HELQ: variants seen among roughly 807,000 people sequenced by gnomAD.
The protein encoded by HELQ is helicase, POLQ like, also known as helicase POLQ-like.
Under a neutral mutation model 111.6 loss-of-function variants are expected in HELQ, and 77 were observed. That is an observed-to-expected ratio of 0.69 (90% CI 0.57 to 0.83). The LOEUF (loss-of-function observed/expected upper bound fraction) is 0.83, where lower values mean the gene tolerates loss of function less well. HELQ is among the 40% of genes least tolerant of loss of function. HELQ has a pLI of 0.00. For synonymous variants in HELQ, 438 were observed against 454.7 expected, an observed-to-expected ratio of 0.96 and a Z score of 0.47; for missense variants, 1,200 against 1,288.5, an observed-to-expected ratio of 0.93 and a Z score of 1.05.
chr4:83,424,301 T>C (rs1386606058), intron 14 of HELQ, among the ~76,000 whole-genome samples: 1 of 152,220 alleles, frequency 6.6e-6, no homozygotes, highest in East Asian at 1.9e-4. Flanking sequence ...CAGAGTTTGA[T>C]ATAAAAGGTT....
intron 10 of HELQ, 147 bp from the exon 11 acceptor site, chr4:83,431,915 T>A (rs945245362): frequency 2.8e-5 from 14 of 506,016 alleles, no homozygotes; most frequent in Non-Finnish European, 9.9e-6. Flanking sequence ...TTTATCTTCA[T>A]TAAAAATGGA....
intron 4 of HELQ, 33 bp downstream of exon 4, chr4:83,446,802 A>G: frequency 1.5e-6 from 2 of 1,333,290 alleles, no homozygotes; most frequent in Non-Finnish European, 2.1e-6. Flanking sequence ...AGTATAATAA[A>G]AATATTGACA....
chr4:83,419,876 T>A (rs1335932845), intron 15 of HELQ, among the ~76,000 whole-genome samples: 1 of 152,142 alleles, frequency 6.6e-6, no homozygotes, highest in Non-Finnish European at 1.5e-5. Context: ...ATCATTCAAT[T>A]GAAAGCCAAG....
intron 12 of HELQ, among the ~76,000 whole-genome samples, chr4:83,429,174 C>T (rs949790817): frequency 5.9e-5 from 9 of 151,992 alleles, no homozygotes; most frequent in Non-Finnish European, 1.3e-4. Flanking sequence ...GAGATGGAGT[C>T]TCGGCTCTGT....
chr4:83,435,447 G>C (rs1720396953), intron 9 of HELQ, among the ~76,000 whole-genome samples: 1 of 152,006 alleles, frequency 6.6e-6, no homozygotes. Context: ...ATTGAATCTA[G>C]AATTCTTTTG....
chr4:83,435,292 C>T (rs575618522), intron 9 of HELQ, among the ~76,000 whole-genome samples: 2 of 152,130 alleles, frequency 1.3e-5, no homozygotes, highest in Non-Finnish European at 1.5e-5. Context: ...TATTATTATA[C>T]ACCATGACAA....
At chr4:83,439,193 G>A (rs1412774473) in intron 8 of HELQ, among the ~76,000 whole-genome samples, 2 of 148,850 alleles carry the variant, frequency 1.3e-5, no homozygotes, top group African/African-American at 5.0e-5. Flanking sequence ...TTAGCCTCCC[G>A]AGTAGCTAGG....
intron 17 of HELQ, among the ~76,000 whole-genome samples, chr4:83,414,059 T>C (rs564100072): frequency 6.6e-6 from 1 of 152,374 alleles, no homozygotes; most frequent in African/African-American, 2.4e-5. Flanking sequence ...GACTCTGTTA[T>C]GTAGCGTATG....
chr4:83,438,748 G>GAA (rs200715200), intron 8 of HELQ, among the ~76,000 whole-genome samples: 13 of 104,256 alleles, frequency 1.2e-4, no homozygotes, highest in African/African-American at 3.7e-4. Flanking sequence ...CCTGTCTCAG[G>GAA]AAAAAAAAAA....
Position 83,439,962 on chromosome 4 carries a change from A to G in HELQ, c.1709T>C (p.Leu570Ser), listed in dbSNP as rs1720681251. 1 of 1,611,944 alleles carries G rather than the reference A, an allele frequency of 6.2e-7. No homozygotes were observed. Among genetic ancestry groups the G allele is most frequent in the South Asian group, 1.1e-5 (1 of 90,880 alleles). Residue 570 changes from leucine to serine, a missense_variant, in exon 8 of 18, where the codon TTG becomes TCG. Leu to Ser is a moderately radical substitution (Grantham distance 145, BLOSUM62 -2). Transcript: ENST00000295488. ...KKMDPDHLVA[L>S]VTEVIPNYSC... The stretch of plus-strand genomic sequence containing the variant: ...ATAATTGGGAATAACTTCTGTCACC[A>G]ATGCTACCAAGTGATCAGGATCCAT...
rs527970977 is a variant in HELQ, at chr4:83,448,768, T to TACAC, written c.1191+11_1191+14dup. The TACAC allele has an allele frequency of 1.3e-6, 2 of 1,576,470 alleles. No individual in the cohort carries two copies. The highest frequency in any genetic ancestry group is 1.7e-6 in the Non-Finnish European group (2 of 1,153,892). On this transcript the variant is annotated intron_variant, in intron 3 of 17. Coordinates refer to ENST00000295488, the MANE Select transcript of HELQ (RefSeq NM_133636.5). ...AGCAAATAACATTTGTTTTAAAACA[T>TACAC]ACACACACACACACCTTTTCTTGGA...
chr4:83,438,144 C>T (rs1218154432), intron 8 of HELQ, among the ~76,000 whole-genome samples: 1 of 152,018 alleles, frequency 6.6e-6, no homozygotes, highest in African/African-American at 2.4e-5. Context: ...TAGACCAATC[C>T]ATGATAGTAG....
rs138901051 is a variant in HELQ, at chr4:83,453,504, C to T, written c.739G>A (p.Asp247Asn). The change falls in exon 2 of 18, where the codon GAT becomes AAT. Residue 247 changes from aspartate to asparagine, a missense_variant. Physicochemically the swap from Asp to Asn is conservative, Grantham distance 23 (BLOSUM62 1). Coordinates refer to ENST00000295488, the MANE Select transcript of HELQ (RefSeq NM_133636.5). Reference sequence around the variant, plus strand: ...GTTCTGACTTTGGAAGAGGACTCATCATTTTGCTGGGGTTGCTCTATGCAA... The same window carrying T: ...GTTCTGACTTTGGAAGAGGACTCATTATTTTGCTGGGGTTGCTCTATGCAA... ...HNCIEQPQQN[D>N]ESSSKVRTSS... 24 of 1,613,596 alleles carry T rather than the reference C, an allele frequency of 1.5e-5. No individual in the cohort carries two copies. The African/African-American group carries it at 3.2e-4, about 22-fold the overall frequency.
intron 2 of HELQ, among the ~76,000 whole-genome samples, chr4:83,451,807 G>A (rs1327730697): frequency 4.6e-5 from 7 of 152,342 alleles, no homozygotes; most frequent in South Asian, 2.1e-4. Flanking sequence ...GAAAGTTAAC[G>A]TCTACTTCCA....
Position 83,429,727 on chromosome 4 carries a change from T to C in HELQ, c.2315A>G (p.Asp772Gly). Residue 772 changes from aspartate (D) to glycine (G), a missense_variant, in exon 12 of 18, where the codon GAC becomes GGC. Physicochemically the swap from Asp to Gly is moderately conservative, Grantham distance 94. Around this residue, in one of 3 missense-constraint regions of HELQ, gnomAD observed 585 missense variants for 665.3 expected, o/e 0.88. Transcript: ENST00000295488. ...IGLKIATNLD[D>G]IYHFMNGTFF... ...TGTACCATTCATGAAATGATAGATG[T>C]CATCAAGATTCGTTGCAATCTGAAA... 6.2e-7 allele frequency: 1 copy of C among 1,610,904 alleles called. No individual in the cohort carries two copies. Among genetic ancestry groups the C allele is most frequent in the Middle Eastern group, 1.7e-4 (1 of 6,038 alleles).
In HELQ at chr4:83,437,611, A is replaced by G. The variant is rs1239739055; in HGVS notation, c.1809-514T>C. ...AAGAGCAAAGCCTTGTCTAAAAAAA[A>G]AAAAAAAAAAAAGGAAAAATATAAC... is the stretch of plus-strand genomic sequence containing the variant. On this transcript the variant is annotated intron_variant, in intron 8 of 17. Coordinates refer to ENST00000295488, the MANE Select transcript of HELQ (RefSeq NM_133636.5). Among the ~76,000 whole-genome samples the G allele has an allele frequency of 1.1e-4, 17 of 151,872 alleles. 1 individual carries two copies. In the East Asian group the frequency reaches 1.7e-3, roughly 16 times the overall value.
intron 6 of HELQ, among the ~76,000 whole-genome samples, chr4:83,441,701 G>A (rs546358127): frequency 2.0e-5 from 3 of 151,250 alleles, no homozygotes; most frequent in Admixed American, 6.6e-5. Context: ...CACAAAAAGT[G>A]TGAGTCTTGG....
intron 3 of HELQ, among the ~76,000 whole-genome samples, chr4:83,448,333 T>C (rs905142165): frequency 1.6e-4 from 24 of 152,216 alleles, no homozygotes; most frequent in African/African-American, 5.5e-4. Flanking sequence ...AGGTAGTGTA[T>C]ACTGCTTTTA....
intron 12 of HELQ, among the ~76,000 whole-genome samples, chr4:83,428,986 C>T (rs1719993835): frequency 6.6e-6 from 1 of 151,954 alleles, no homozygotes; most frequent in Non-Finnish European, 1.5e-5. Context: ...AGGAGGGAAG[C>T]ATGAAGGAGG....
Sources: allele counts gnomAD v4.1 joint callset (sites outside exome capture counted in the v4.1 genomes callset), GRCh38; gene constraint gnomAD v4.1.1; regional missense constraint gnomAD v4.1.1; transcripts MANE v1.5; gene names NCBI Gene and HGNC (gene_info 2026-07-23, HGNC 2026-07-21).